LYRM4: variants seen among roughly 807,000 people sequenced by gnomAD.
LYRM4 encodes the protein LYR motif-containing protein 4.
A neutral mutation model predicts 11.7 loss-of-function variants in LYRM4; 9 were observed. The observed-to-expected ratio is 0.77, with a 90% CI of 0.46 to 1.34. LYRM4 has a LOEUF of 1.34. Among genes scored for constraint, LYRM4 ranks in the 40% most tolerant of loss-of-function variants. The probability of loss-of-function intolerance (pLI) is 0.00; values close to 1 mark genes in which losing one functional copy is unlikely to be tolerated. For synonymous variants in LYRM4, 42 were observed against 40.4 expected, an observed-to-expected ratio of 1.04 and a Z score of -0.15; for missense variants, 133 against 112.5, an observed-to-expected ratio of 1.18 and a Z score of -0.82.
At chr6:5,038,926 GAGGGAGAGCTTT>G in the LYRM4 span, among the ~76,000 whole-genome samples, 5 of 10,618 alleles carry the variant, frequency 4.7e-4, 1 homozygote, top group African/African-American at 9.6e-4. Flanking sequence ...GGGAGAGGGA[GAGGGAGAGCTTT>G]AGCTTGTATT....
chr6:5,040,396 A>C, the LYRM4 span, among the ~76,000 whole-genome samples: 99 of 112,858 alleles, frequency 8.8e-4, no homozygotes, highest in South Asian at 0.013. Context: ...TACATACATA[A>C]AGAAATTTCT....
At chr6:5,079,865 T>C in the LYRM4 span, among the ~76,000 whole-genome samples, 1 of 152,232 alleles carries the variant, frequency 6.6e-6, no homozygotes. Flanking sequence ...GCAGAATTTT[T>C]CACCAATGAT....
At chr6:5,197,182 C>T (rs527419657) in intron 2 of LYRM4, among the ~76,000 whole-genome samples, 3 of 152,190 alleles carry the variant, frequency 2.0e-5, no homozygotes, top group Admixed American at 6.5e-5. Context: ...AAACCAAGTC[C>T]TTTGGAAAAA....
At chr6:5,166,350 G>A (rs185393802) in intron 2 of LYRM4, among the ~76,000 whole-genome samples, 13 of 152,350 alleles carry the variant, frequency 8.5e-5, no homozygotes, top group African/African-American at 3.1e-4. Flanking sequence ...ACAGCGGAGA[G>A]CTGAGTGTTT....
chr6:5,235,925 T>C (rs887405757), intron 1 of LYRM4, among the ~76,000 whole-genome samples: 5 of 152,218 alleles, frequency 3.3e-5, no homozygotes, highest in Admixed American at 6.5e-5. Context: ...ATATATAATA[T>C]ACTGGCCTAG....
At position 5,243,666 on chromosome 6, in the gene LYRM4, T is replaced by C. The variant is rs138019776; in HGVS notation, c.86+16982A>G. ...AAAGTTAATTACTATGAAAATAATA[T>C]TACCAGAAGACTATATATGATAATA... is the stretch of plus-strand genomic sequence containing the variant. On this transcript the variant is annotated intron_variant, in intron 1 of 2. Coordinates refer to ENST00000330636, the MANE Select transcript of LYRM4 (RefSeq NM_020408.6). 4.6e-3 allele frequency among the ~76,000 whole-genome samples: 708 copies of C among 152,320 alleles called. 2 individuals are homozygous for C. Among genetic ancestry groups the C allele is most frequent in the Middle Eastern group, 0.027 (8 of 294 alleles).
At chr6:5,182,138 C>T (rs1357373391) in intron 2 of LYRM4, among the ~76,000 whole-genome samples, 1 of 152,176 alleles carries the variant, frequency 6.6e-6, no homozygotes, top group East Asian at 1.9e-4. Flanking sequence ...CAGGTGATAT[C>T]TCCTCCAGGT....
At chr6:5,177,995 A>G (rs1231774424) in intron 2 of LYRM4, among the ~76,000 whole-genome samples, 3 of 130,772 alleles carry the variant, frequency 2.3e-5, no homozygotes, top group Non-Finnish European at 4.7e-5. Context: ...CACATATGCC[A>G]CTATTTTTTT....
the LYRM4 span, among the ~76,000 whole-genome samples, chr6:5,069,754 T>C: frequency 0.68 from 103,674 of 151,770 alleles, 36,976 homozygotes; most frequent in African/African-American, 0.89. Flanking sequence ...GCTGGGATTA[T>C]AGGCGTGAGC....
At chr6:5,062,956 C>T in the LYRM4 span, among the ~76,000 whole-genome samples, 137 of 152,238 alleles carry the variant, frequency 9.0e-4, 3 homozygotes, top group East Asian at 0.022. Flanking sequence ...ACTCATGTGC[C>T]GCTGACTATC....
chr6:5,084,719 G>A, the LYRM4 span: 1 of 152,292 alleles, frequency 6.6e-6, no homozygotes, highest in African/African-American at 2.4e-5. Context: ...CCCGGCTTTC[G>A]GAAGAGCAGA....
the LYRM4 span, among the ~76,000 whole-genome samples, chr6:5,070,981 G>T: frequency 0.26 from 39,513 of 151,532 alleles, 5,263 homozygotes; most frequent in Middle Eastern, 0.32. Context: ...CGCGAGGTCA[G>T]GAGATCGAGA....
intron 1 of LYRM4, among the ~76,000 whole-genome samples, chr6:5,251,017 G>A (rs1764405327): frequency 6.6e-6 from 1 of 152,146 alleles, no homozygotes; most frequent in South Asian, 2.1e-4. Context: ...AATCTCCACT[G>A]TTCGGGCACT....
intron 2 of LYRM4, among the ~76,000 whole-genome samples, chr6:5,189,287 C>G (rs9392660): frequency 1.9e-4 from 28 of 148,962 alleles, no homozygotes; most frequent in African/African-American, 5.2e-4. Flanking sequence ...AAGGTTAGTG[C>G]TTAGCCTAAG....
intron 2 of LYRM4, among the ~76,000 whole-genome samples, chr6:5,146,430 T>C (rs533932743): frequency 1.3e-5 from 2 of 152,306 alleles, no homozygotes; most frequent in South Asian, 4.1e-4. Context: ...AGAAGTTAGA[T>C]AGTATTATAC....
At chr6:5,256,163 G>C (rs546962644) in intron 1 of LYRM4, among the ~76,000 whole-genome samples, 66 of 152,156 alleles carry the variant, frequency 4.3e-4, no homozygotes, top group African/African-American at 1.6e-3. Context: ...TGAAGGAGTT[G>C]GCTGAAGAAG....
chr6:5,131,105 C>T (rs1763932610), intron 2 of LYRM4, among the ~76,000 whole-genome samples: 2 of 152,090 alleles, frequency 1.3e-5, no homozygotes, highest in South Asian at 2.1e-4. Context: ...GGTATATATG[C>T]GGGGGAAAAT....
the LYRM4 span, among the ~76,000 whole-genome samples, chr6:5,040,344 G>GATACATAC: frequency 1.4e-5 from 2 of 144,574 alleles, no homozygotes; most frequent in Admixed American, 1.4e-4. Flanking sequence ...TAGATAGATA[G>GATACATAC]ATAGATAGAT....
the LYRM4 span, among the ~76,000 whole-genome samples, chr6:5,069,710 A>T: frequency 1.3e-5 from 2 of 151,982 alleles, no homozygotes; most frequent in African/African-American, 4.8e-5. Context: ...CGATCTCCTG[A>T]CCTCATGATC....
Sources: allele counts gnomAD v4.1 joint callset (sites outside exome capture counted in the v4.1 genomes callset), GRCh38; gene constraint gnomAD v4.1.1; transcripts MANE v1.5; gene names NCBI Gene and HGNC (gene_info 2026-07-23, HGNC 2026-07-21).